The following TWSG1 variants were observed in gnomAD, a reference collection of about 807,000 sequenced individuals.
TWSG1 encodes twisted gastrulation BMP signaling modulator 1, also known as twisted gastrulation protein homolog 1.
A neutral mutation model predicts 23.0 loss-of-function variants in TWSG1; 15 were observed. That is an observed-to-expected ratio of 0.65 (90% CI 0.44 to 1.00). The LOEUF (loss-of-function observed/expected upper bound fraction) is 1.00. Ranked by LOEUF, TWSG1 falls within the 50% of genes least tolerant of loss-of-function variation. The pLI is 0.00. For synonymous variants in TWSG1, 86 were observed against 92.8 expected, an observed-to-expected ratio of 0.93 and a Z score of 0.42; for missense variants, 242 against 278.7, an observed-to-expected ratio of 0.87 and a Z score of 0.94.
At chr18:9,360,156 T>G in intron 3 of TWSG1, 85 bp downstream of exon 3, 1 of 1,045,220 alleles carries the variant, frequency 9.6e-7, no homozygotes, top group East Asian at 2.4e-5. Flanking sequence ...ATAAATGTAG[T>G]TTATGTGCAT....
intron 3 of TWSG1, among the ~76,000 whole-genome samples, chr18:9,377,266 T>G (rs897721604): frequency 2.0e-5 from 3 of 152,014 alleles, no homozygotes; most frequent in African/African-American, 7.2e-5. Flanking sequence ...TTGCCCAGGC[T>G]GGCGTGCAGT....
At chr18:9,353,620 A>G (rs994804982) in intron 2 of TWSG1, among the ~76,000 whole-genome samples, 54 of 152,248 alleles carry the variant, frequency 3.5e-4, no homozygotes, top group African/African-American at 1.2e-3. Flanking sequence ...TTATTTACAC[A>G]TAGAAGATGT....
At chr18:9,362,616 C>T (rs1040480194) in intron 3 of TWSG1, among the ~76,000 whole-genome samples, 5 of 152,040 alleles carry the variant, frequency 3.3e-5, no homozygotes, top group South Asian at 2.1e-4. Flanking sequence ...AGTGTTTGTG[C>T]GAGTGTATGA....
chr18:9,361,571 G>A, intron 3 of TWSG1, among the ~76,000 whole-genome samples: 1 of 152,208 alleles, frequency 6.6e-6, no homozygotes, highest in East Asian at 1.9e-4. Context: ...TCCCTTTAGG[G>A]TTGCACATTT....
At chr18:9,336,913 C>A (rs1755586309) in intron 1 of TWSG1, among the ~76,000 whole-genome samples, 1 of 151,996 alleles carries the variant, frequency 6.6e-6, no homozygotes, top group African/African-American at 2.4e-5. Context: ...AATGATCACT[C>A]AAAAGTTTTT....
intron 3 of TWSG1, 31 bp from the exon 4 acceptor site, chr18:9,396,249 A>G: frequency 6.2e-7 from 1 of 1,604,862 alleles, no homozygotes; most frequent in Non-Finnish European, 8.5e-7. Context: ...GCAGTAACTA[A>G]CAAAATCTTA....
chr18:9,394,130 T>G (rs961760003), intron 3 of TWSG1, among the ~76,000 whole-genome samples: 13 of 152,294 alleles, frequency 8.5e-5, no homozygotes, highest in Non-Finnish European at 2.9e-5. Flanking sequence ...TATTCACAAT[T>G]GCCAAAATGT....
At chr18:9,391,451 T>C (rs138875414) in intron 3 of TWSG1, among the ~76,000 whole-genome samples, 2 of 152,324 alleles carry the variant, frequency 1.3e-5, no homozygotes, top group East Asian at 3.9e-4. Flanking sequence ...CCAGAAGGCT[T>C]TCAATTTAGT....
At position 9,348,812 on chromosome 18, in the gene TWSG1, G is replaced by A. The variant is rs1216120755; in HGVS notation, c.124-11160G>A. On this transcript the variant is annotated intron_variant, in intron 2 of 4. Coordinates refer to ENST00000262120, the MANE Select transcript of TWSG1 (RefSeq NM_020648.6). ...AATTTAGGTTTCTTTTTGTTAAATT[G>A]GTTTAGTTTGAACATTTGTAATGTT... Among the ~76,000 whole-genome samples the A allele has an allele frequency of 2.6e-5, 4 of 152,236 alleles. No individual in the cohort carries two copies. In the South Asian group the frequency reaches 8.3e-4, roughly 32 times the overall value.
intron 3 of TWSG1, among the ~76,000 whole-genome samples, chr18:9,371,908 G>T (rs2040607251): frequency 6.6e-6 from 1 of 151,182 alleles, no homozygotes; most frequent in South Asian, 2.1e-4. Flanking sequence ...TGGGACTACA[G>T]GCGCACATCA....
At chr18:9,352,704 C>A (rs989790380) in intron 2 of TWSG1, among the ~76,000 whole-genome samples, 1 of 152,146 alleles carries the variant, frequency 6.6e-6, no homozygotes, top group African/African-American at 2.4e-5. Context: ...TCTCTCAGAT[C>A]TTTGCAACAA....
chr18:9,365,941 G>A (rs577817790), intron 3 of TWSG1, among the ~76,000 whole-genome samples: 2 of 152,290 alleles, frequency 1.3e-5, no homozygotes, highest in African/African-American at 4.8e-5. Flanking sequence ...AGGAGCTTGC[G>A]GCTGTAGTGA....
Position 9,379,658 on chromosome 18 carries a change from TTAAAA to T in TWSG1, c.224-16616_224-16612del, listed in dbSNP as rs532749647. On this transcript the variant is annotated intron_variant, in intron 3 of 4. Coordinates refer to ENST00000262120, the MANE Select transcript of TWSG1 (RefSeq NM_020648.6). The stretch of plus-strand genomic sequence containing the variant: ...CAAACCTGCACAAGTACCCCTGAAC[TTAAAA>T]TAAAAGTTAAAGTGTTTTTAAAAAA... 1.7e-3 allele frequency among the ~76,000 whole-genome samples: 256 copies of T among 152,178 alleles called. 2 individuals carry two copies. The highest frequency in any genetic ancestry group is 5.9e-3 in the African/African-American group (245 of 41,520).
At chr18:9,337,172 A>C in intron 1 of TWSG1, 21 bp from the exon 2 acceptor site, 1 of 1,593,430 alleles carries the variant, frequency 6.3e-7, no homozygotes, top group Non-Finnish European at 8.5e-7. Context: ...CTTTGAATTA[A>C]AGTTGTGTTT....
At chr18:9,347,407 A>G (rs565572052) in intron 2 of TWSG1, among the ~76,000 whole-genome samples, 2 of 152,298 alleles carry the variant, frequency 1.3e-5, no homozygotes, top group African/African-American at 4.8e-5. Context: ...ATTGCATTGA[A>G]TCTGTAGATC....
At chr18:9,381,148 C>G (rs1402819766) in intron 3 of TWSG1, among the ~76,000 whole-genome samples, 1 of 152,202 alleles carries the variant, frequency 6.6e-6, no homozygotes, top group Non-Finnish European at 1.5e-5. Context: ...TGTCTACTCT[C>G]AAACCCCTCT....
At chr18:9,339,221 G>A (rs2040435394) in intron 2 of TWSG1, among the ~76,000 whole-genome samples, 1 of 150,538 alleles carries the variant, frequency 6.6e-6, no homozygotes, top group Non-Finnish European at 1.5e-5. Context: ...AAAAAAAATT[G>A]TACTTTATTT....
intron 3 of TWSG1, among the ~76,000 whole-genome samples, chr18:9,382,604 A>G (rs1014187380): frequency 2.0e-5 from 3 of 151,786 alleles, no homozygotes; most frequent in African/African-American, 7.3e-5. Flanking sequence ...ACCTGAGGTC[A>G]GGAGTTCGCC....
chr18:9,353,122 T>C (rs2040509544), intron 2 of TWSG1, among the ~76,000 whole-genome samples: 1 of 152,212 alleles, frequency 6.6e-6, no homozygotes, highest in Non-Finnish European at 1.5e-5. Flanking sequence ...CTAGGAACAA[T>C]AGGCCATACC....
Sources: allele counts gnomAD v4.1 joint callset (sites outside exome capture counted in the v4.1 genomes callset), GRCh38; gene constraint gnomAD v4.1.1; transcripts MANE v1.5; gene names NCBI Gene and HGNC (gene_info 2026-07-23, HGNC 2026-07-21).